Variants in L3HYPDH observed in about 807,000 individuals in gnomAD.
L3HYPDH encodes trans-3-hydroxy-L-proline dehydratase.
L3HYPDH carries 32 observed loss-of-function variants against 26.5 expected under a neutral mutation model. The observed-to-expected ratio is 1.21, with a 90% CI of 0.91 to 1.62. L3HYPDH has a LOEUF of 1.62. Ranked by LOEUF, L3HYPDH falls within the 40% of genes most tolerant of loss-of-function variation. The probability of loss-of-function intolerance (pLI) is 0.00; values close to 1 mark genes in which losing one functional copy is unlikely to be tolerated. For synonymous variants in L3HYPDH, 215 were observed against 196.6 expected (o/e 1.09, Z -0.78); for missense variants, 554 against 476.4 (o/e 1.16, Z -1.52).
intron 4 of L3HYPDH, 66 bp downstream of exon 4, chr14:59,475,803 C>T: frequency 6.9e-7 from 1 of 1,444,370 alleles, no homozygotes; most frequent in Non-Finnish European, 9.3e-7. Context: ...ATCAAACACC[C>T]AACTCAGGCC....
chr14:59,484,785 T>C, upstream of L3HYPDH: 2 of 901,178 alleles, frequency 2.2e-6, no homozygotes, highest in Non-Finnish European at 3.3e-6. Flanking sequence ...AACGGGCTAC[T>C]AGGGGAGGCG....
At chr14:59,501,236 T>A in the L3HYPDH span, 4 of 1,605,406 alleles carry the variant, frequency 2.5e-6, no homozygotes, top group Non-Finnish European at 3.4e-6. Flanking sequence ...TTGGTTACTC[T>A]GGCTGTGTAC....
intron 4 of L3HYPDH, 27 bp downstream of exon 4, chr14:59,475,841 TA>T: frequency 6.3e-7 from 1 of 1,593,350 alleles, no homozygotes; most frequent in East Asian, 2.2e-5. Flanking sequence ...GACACATTTA[TA>T]AATAAGAAGC....
At position 59,483,833 on chromosome 14, in the gene L3HYPDH, C is replaced by G; in HGVS notation, c.484G>C (p.Val162Leu). 2.5e-6 allele frequency: 4 copies of G among 1,590,588 alleles called. No homozygotes were observed. Among genetic ancestry groups the G allele is most frequent in the Non-Finnish European group, 3.4e-6 (4 of 1,175,678 alleles). The change falls in exon 1 of 5, where the codon GTC becomes CTC. Residue 162 changes from valine to leucine, a missense_variant. Transcript: ENST00000247194. ...RSHGPVRFHS[V>L]PAFVLATDLM... The stretch of plus-strand genomic sequence containing the variant: ...CCTGTGGCCAGCACGAAGGCCGGGA[C>G]GCTGTGGAAGCGCACCGGTCCGTGG...
In L3HYPDH at chr14:59,472,746, A is replaced by T. The variant is rs1214990133; in HGVS notation, c.*219T>A. On this transcript the variant is annotated 3_prime_UTR_variant, in exon 5 of 5. Coordinates refer to ENST00000247194, the MANE Select transcript of L3HYPDH (RefSeq NM_144581.2). Reference sequence around the variant, plus strand: ...GTTAATCACTAGAAAAAGACTCTGAATTTCTGGCATTTTGTATGCTAGACA... The same window carrying T: ...GTTAATCACTAGAAAAAGACTCTGATTTTCTGGCATTTTGTATGCTAGACA... 1 of 382,050 alleles carries T rather than the reference A, an allele frequency of 2.6e-6. No homozygotes were observed. Among genetic ancestry groups the T allele is most frequent in the East Asian group, 4.0e-5 (1 of 24,830 alleles). 23.7% of individuals were successfully genotyped at this position (382,050 alleles called of 1,614,324 possible).
intron 4 of L3HYPDH, chr14:59,474,692 T>C: frequency 1.8e-6 from 1 of 562,480 alleles, no homozygotes; most frequent in African/African-American, 1.9e-5. Flanking sequence ...CGTTTTATCA[T>C]CTATTGAAAA....
chr14:59,499,183 C>G, the L3HYPDH span, among the ~76,000 whole-genome samples: 1 of 151,578 alleles, frequency 6.6e-6, no homozygotes, highest in Non-Finnish European at 1.5e-5. Context: ...GCCACCACAC[C>G]CAGCTAATTT....
rs1239355320 is a variant in L3HYPDH, at chr14:59,479,191, C to T, written c.669G>A (p.Val223=). The T allele has an allele frequency of 1.2e-6, 2 of 1,604,254 alleles. No homozygotes were observed. The highest frequency in any genetic ancestry group is 2.7e-5 in the African/African-American group (2 of 74,272). Residue 223 remains valine (V), a synonymous_variant, in exon 2 of 5, where the codon GTG becomes GTA. Coordinates refer to ENST00000247194, the MANE Select transcript of L3HYPDH (RefSeq NM_144581.2). ...GCAGAGTATTACTGACCTGAGCTTT[C>T]ACTGCCTCTGTCACTGCACTCGCTG... ...VDAASAVTEA[V]KAQFKINHPD... is the part of the protein sequence containing the mutation.
At chr14:59,483,743 C>A (rs1004156138) in intron 1 of L3HYPDH, 66 bp downstream of exon 1, 1 of 1,551,378 alleles carries the variant, frequency 6.4e-7, no homozygotes. Context: ...CCAGAAAAAC[C>A]GTTAATGTAG....
At chr14:59,488,816 C>G (rs780598477), upstream of L3HYPDH, among the ~76,000 whole-genome samples, 4 of 152,192 alleles carry the variant, frequency 2.6e-5, no homozygotes, top group Non-Finnish European at 5.9e-5. Flanking sequence ...AACTTGTTAC[C>G]TAGCTACCTT....
rs147542937 is a variant in L3HYPDH at position 59,476,206 on chromosome 14, A to C, written c.687T>G (p.Ile229Met). The change falls in exon 3 of 5, where the codon ATT becomes ATG. Residue 229 changes from isoleucine (I) to methionine (M), a missense_variant. Ile to Met is a conservative substitution (Grantham distance 10, BLOSUM62 1). Transcript: ENST00000247194. The stretch of plus-strand genomic sequence containing the variant: ...CAAGGTCTTCACTATCAGGATGATT[A>C]ATTTTAAACTGCAAGTAACAAAAAA... ...VTEAVKAQFK[I>M]NHPDSEDLAF... 82 of 1,578,466 alleles carry C rather than the reference A, an allele frequency of 5.2e-5. No individual in the cohort carries two copies. Among genetic ancestry groups the C allele is most frequent in the Non-Finnish European group, 6.5e-5 (76 of 1,161,572 alleles).
chr14:59,482,634 T>C (rs10150730), intron 1 of L3HYPDH, among the ~76,000 whole-genome samples: 22 of 152,322 alleles, frequency 1.4e-4, no homozygotes, highest in African/African-American at 5.1e-4. Context: ...GTGACACCAT[T>C]CTCTGGGAAA....
intron 2 of L3HYPDH, chr14:59,478,913 T>TAA: frequency 3.2e-6 from 1 of 310,326 alleles, no homozygotes; most frequent in Non-Finnish European, 5.8e-6. Context: ...GCTGATGAGC[T>TAA]AAAAAAAAAT....
chr14:59,474,625 C>A, intron 4 of L3HYPDH: 1 of 616,730 alleles, frequency 1.6e-6, no homozygotes, highest in South Asian at 1.9e-5. Flanking sequence ...CCTTCATGAC[C>A]TGGATCTGCT....
chr14:59,477,377 G>C (rs1352707776), intron 2 of L3HYPDH, among the ~76,000 whole-genome samples: 5 of 152,218 alleles, frequency 3.3e-5, no homozygotes, highest in African/African-American at 1.2e-4. Flanking sequence ...TGCTTCAGCA[G>C]TGTGAATAGT....
At chr14:59,490,531 T>C in the L3HYPDH span, among the ~76,000 whole-genome samples, 1 of 152,146 alleles carries the variant, frequency 6.6e-6, no homozygotes, top group Non-Finnish European at 1.5e-5. Flanking sequence ...AGGTGAGATA[T>C]TTAATAGAAG....
chr14:59,484,894 C>G, upstream of L3HYPDH: 2 of 1,378,496 alleles, frequency 1.5e-6, no homozygotes, highest in Non-Finnish European at 1.9e-6. Flanking sequence ...TGAGGGTTGA[C>G]TTCGGAATTG....
chr14:59,484,415 C>A, upstream of L3HYPDH: 1 of 1,401,098 alleles, frequency 7.1e-7, no homozygotes, highest in Non-Finnish European at 9.7e-7. Context: ...CGCTAACCAG[C>A]CACGTCCGGG....
At chr14:59,486,529 A>G (rs974668358), upstream of L3HYPDH, among the ~76,000 whole-genome samples, 4 of 152,374 alleles carry the variant, frequency 2.6e-5, no homozygotes, top group Admixed American at 2.0e-4. Context: ...GTTCCAGGAT[A>G]ACTGTCTGCA....
Sources: gnomAD v4.1 joint callset for allele counts (sites outside exome capture counted in the v4.1 genomes callset) on GRCh38, gnomAD v4.1.1 for gene constraint, MANE v1.5 for transcripts, NCBI Gene and HGNC (gene_info 2026-07-23, HGNC 2026-07-21) for gene names.